SLC8A1: variants seen among roughly 807,000 people sequenced by gnomAD.
SLC8A1 encodes the protein solute carrier family 8 member A1, also known as sodium/calcium exchanger 1.
In SLC8A1, 18 loss-of-function variants were observed where a neutral mutation model predicts 68.3. The ratio of observed to expected loss-of-function variants is 0.26; its 90% CI spans 0.18 to 0.39. The LOEUF is 0.39. Ranked by LOEUF, SLC8A1 falls within the 10% of genes least tolerant of loss-of-function variation. The pLI, the probability that SLC8A1 is intolerant of heterozygous loss-of-function variation, is 1.00. For synonymous variants in SLC8A1, 475 were observed against 415.5 expected, an observed-to-expected ratio of 1.14 and a Z score of -1.74; for missense variants, 985 against 1,156.7, an observed-to-expected ratio of 0.85 and a Z score of 2.15.
At chr2:40,357,134 C>T (rs1348070185) in intron 2 of SLC8A1, among the ~76,000 whole-genome samples, 8 of 152,124 alleles carry the variant, frequency 5.3e-5, no homozygotes, top group Non-Finnish European at 1.2e-4. Context: ...AAATAACCTG[C>T]AGAGTGTATT....
chr2:40,467,599 T>C (rs1213947405), intron 1 of SLC8A1, among the ~76,000 whole-genome samples: 2 of 152,176 alleles, frequency 1.3e-5, no homozygotes, highest in Non-Finnish European at 2.9e-5. Context: ...AATTTCTTTC[T>C]TAATTAAAGG....
chr2:40,258,783 A>T (rs2064290548), intron 2 of SLC8A1, among the ~76,000 whole-genome samples: 1 of 152,128 alleles, frequency 6.6e-6, no homozygotes, highest in South Asian at 2.1e-4. Flanking sequence ...CAGAGGTTGC[A>T]GTGAGGCAAC....
At chr2:40,460,056 G>A (rs1452203366) in intron 1 of SLC8A1, among the ~76,000 whole-genome samples, 4 of 152,084 alleles carry the variant, frequency 2.6e-5, no homozygotes, top group South Asian at 4.1e-4. Context: ...GCAGAGTCTT[G>A]TATACTTCTT....
intron 2 of SLC8A1, among the ~76,000 whole-genome samples, chr2:40,264,414 G>A (rs1446447189): frequency 1.6e-4 from 24 of 151,806 alleles, no homozygotes; most frequent in African/African-American, 2.9e-4. Context: ...TGTTTATTGC[G>A]GCACTATTCA....
intron 2 of SLC8A1, among the ~76,000 whole-genome samples, chr2:40,424,997 A>G (rs969870503): frequency 6.7e-6 from 1 of 149,282 alleles, no homozygotes; most frequent in Admixed American, 6.7e-5. Context: ...TGTAGATATT[A>G]CCTACCAAAC....
chr2:40,317,021 G>A (rs555925411), intron 2 of SLC8A1, among the ~76,000 whole-genome samples: 12 of 152,056 alleles, frequency 7.9e-5, no homozygotes, highest in East Asian at 5.8e-4. Context: ...TCACTCATAC[G>A]GAGTAAGTGC....
chr2:40,384,418 A>G (rs1183300164), intron 2 of SLC8A1, among the ~76,000 whole-genome samples: 1 of 152,126 alleles, frequency 6.6e-6, no homozygotes, highest in African/African-American at 2.4e-5. Flanking sequence ...CTCAAGCAGA[A>G]CAGAACCTTG....
At chr2:40,183,852 T>C (rs1217592668) in intron 2 of SLC8A1, among the ~76,000 whole-genome samples, 1 of 152,118 alleles carries the variant, frequency 6.6e-6, no homozygotes, top group Non-Finnish European at 1.5e-5. Flanking sequence ...GAGCCCAGCA[T>C]GAATATATTT....
rs558097480 is a variant in SLC8A1, at chr2:40,493,523, T to TA, written c.-25+18825dup. 3.0e-3 allele frequency among the ~76,000 whole-genome samples: 452 copies of TA among 149,060 alleles called. 2 individuals are homozygous for TA. Among genetic ancestry groups the TA allele is most frequent in the African/African-American group, 4.4e-3 (178 of 40,576 alleles). ...AAATAAAATAAAATAAAATAAAATT[T>TA]AAAAAAAAAGAAGCTTAGGTTCAGA... is the stretch of plus-strand genomic sequence containing the variant. On this transcript the variant is annotated intron_variant, in intron 1 of 7. Transcript: ENST00000402441.
intron 2 of SLC8A1, among the ~76,000 whole-genome samples, chr2:40,204,859 T>G (rs911317721): frequency 6.6e-6 from 1 of 152,062 alleles, no homozygotes; most frequent in Non-Finnish European, 1.5e-5. Flanking sequence ...GTTACTGCAC[T>G]TCTTAATGTG....
intron 2 of SLC8A1, among the ~76,000 whole-genome samples, chr2:40,346,430 T>A (rs1669333412): frequency 6.6e-6 from 1 of 152,146 alleles, no homozygotes; most frequent in African/African-American, 2.4e-5. Context: ...TTAGTGAAAT[T>A]AGCATCTCTG....
rs1055458518 is a variant in SLC8A1 at position 40,144,250 on chromosome 2, C to G, written c.2162-4574G>C. Reference sequence around the variant, plus strand: ...ACAGGAAGGGAACCTGGTGGGGTGTCTCTTAAATGACAGGCACTAAGCTAA... The same window carrying G: ...ACAGGAAGGGAACCTGGTGGGGTGTGTCTTAAATGACAGGCACTAAGCTAA... On this transcript the variant is annotated intron_variant, in intron 6 of 7. Coordinates refer to ENST00000406785, the Ensembl canonical transcript of SLC8A1. Among the ~76,000 whole-genome samples, 4 of 152,284 alleles carry G rather than the reference C, an allele frequency of 2.6e-5. 1 individual carries two copies. Among genetic ancestry groups the G allele is most frequent in the Admixed American group, 2.6e-4 (4 of 15,282 alleles).
At chr2:40,421,653 A>G (rs1025023490) in intron 2 of SLC8A1, among the ~76,000 whole-genome samples, 8 of 152,176 alleles carry the variant, frequency 5.3e-5, no homozygotes, top group Admixed American at 3.9e-4. Context: ...TCTTACCTTC[A>G]TATCTTCAAC....
At chr2:40,128,167 T>C (rs1178544061) in intron 7 of SLC8A1, among the ~76,000 whole-genome samples, 2 of 152,232 alleles carry the variant, frequency 1.3e-5, no homozygotes, top group Non-Finnish European at 2.9e-5. Context: ...CAAACAGATA[T>C]TAAAATTTTT....
At chr2:40,385,911 C>G (rs1683399983) in intron 2 of SLC8A1, among the ~76,000 whole-genome samples, 2 of 151,090 alleles carry the variant, frequency 1.3e-5, no homozygotes, top group East Asian at 1.9e-4. Flanking sequence ...ATTATTCCAC[C>G]ACTACAAAGA....
intron 2 of SLC8A1, among the ~76,000 whole-genome samples, chr2:40,346,070 A>AG (rs1553520487): frequency 3.3e-5 from 5 of 149,718 alleles, no homozygotes; most frequent in African/African-American, 4.9e-5. Flanking sequence ...AAAAAAAAAA[A>AG]AAAGAAAGAA....
At chr2:40,451,737 T>TCACTCA (rs1702538470) in intron 1 of SLC8A1, among the ~76,000 whole-genome samples, 167 bp downstream of exon 1, 2 of 133,664 alleles carry the variant, frequency 1.5e-5, no homozygotes, top group African/African-American at 5.6e-5. Flanking sequence ...ACACACCACA[T>TCACTCA]CACACACACA....
chr2:40,503,226 CT>C (rs1209398442), intron 1 of SLC8A1, among the ~76,000 whole-genome samples: 1 of 152,070 alleles, frequency 6.6e-6, no homozygotes. Context: ...TTAATTTTCC[CT>C]TTTCTCTAGA....
chr2:40,170,839 C>G (rs1322882216), intron 4 of SLC8A1, among the ~76,000 whole-genome samples: 2 of 152,094 alleles, frequency 1.3e-5, no homozygotes, highest in Non-Finnish European at 2.9e-5. Flanking sequence ...ACAATATAGC[C>G]TTGTGTAGGC....
Sources: gnomAD v4.1 joint callset for allele counts (sites outside exome capture counted in the v4.1 genomes callset) on GRCh38, gnomAD v4.1.1 for gene constraint, MANE v1.5 for transcripts, NCBI Gene and HGNC (gene_info 2026-07-23, HGNC 2026-07-21) for gene names.